The following TGFBR1 variants were observed in gnomAD, a reference collection of about 807,000 sequenced individuals.
TGFBR1 encodes the protein TGF-beta receptor type-1.
TGFBR1 carries 20 observed loss-of-function variants against 55.1 expected under a neutral mutation model. The ratio of observed to expected loss-of-function variants is 0.36; its 90% CI spans 0.26 to 0.53. TGFBR1 has a LOEUF of 0.53. Ranked by LOEUF, TGFBR1 falls within the 20% of genes least tolerant of loss-of-function variation. The probability of loss-of-function intolerance (pLI) is 0.91; values close to 1 mark genes in which losing one functional copy is unlikely to be tolerated. For synonymous variants in TGFBR1, 220 were observed against 214.8 expected (o/e 1.02, Z -0.21); for missense variants, 385 against 617.6 (o/e 0.62, Z 3.99).
chr9:99,118,642 TC>T (rs1166214871), intron 1 of TGFBR1, among the ~76,000 whole-genome samples: 5 of 149,374 alleles, frequency 3.3e-5, no homozygotes, highest in Non-Finnish European at 7.4e-5. Context: ...CTGTTTTCTT[TC>T]TTTTTTTTTT....
In TGFBR1 at chr9:99,149,223, C is replaced by T. The variant is rs1827900086; in HGVS notation, c.1430C>T (p.Ala477Val). 3 of 1,613,364 alleles carry T rather than the reference C, an allele frequency of 1.9e-6. No homozygotes were observed. The highest frequency in any genetic ancestry group is 1.7e-6 in the Non-Finnish European group (2 of 1,179,688). ...AAAATTATGAGAGAATGTTGGTATG[C>T]CAATGGAGCAGCTAGGCTTACAGCA... is the stretch of plus-strand genomic sequence containing the variant. Reference protein sequence around the residue: ...MAKIMRECWYANGAARLTALR... With the variant: ...MAKIMRECWYVNGAARLTALR... The change falls in exon 9 of 9, where the codon GCC becomes GTC. Residue 477 changes from alanine to valine, a missense_variant. Ala to Val is a moderately conservative substitution (Grantham distance 64). Around this residue, in one of 5 missense-constraint regions of TGFBR1, gnomAD observed 110 missense variants for 154.6 expected, o/e 0.71. Transcript: ENST00000374994.
Position 99,140,184 on chromosome 9 carries a change from C to T in TGFBR1, c.805+2095C>T, listed in dbSNP as rs1188801870. 2.0e-5 allele frequency among the ~76,000 whole-genome samples: 3 copies of T among 152,210 alleles called. No individual in the cohort carries two copies. In the East Asian group the frequency reaches 5.8e-4, roughly 29 times the overall value. On this transcript the variant is annotated intron_variant, in intron 4 of 8. Transcript: ENST00000374994. ...AAACAAAACAGGCCGGGCACAGTGG[C>T]TCACGCCTGTAATCCCAGCACTTTG...
Position 99,146,741 on chromosome 9 carries a change from A to G in TGFBR1, c.1255+132A>G, listed in dbSNP as rs996386511. The G allele has an allele frequency of 7.7e-5, 108 of 1,400,838 alleles. 1 individual carries two copies. Among genetic ancestry groups the G allele is most frequent in the Non-Finnish European group, 8.3e-5 (82 of 993,272 alleles). The allele number at this position is 1,400,838 out of a possible 1,614,324, so 86.8% of individuals were successfully genotyped here. On this transcript the variant is annotated intron_variant, in intron 7 of 8. Coordinates refer to ENST00000374994, the MANE Select transcript of TGFBR1 (RefSeq NM_004612.4). Reference sequence around the variant, plus strand: ...CAGGATGTCACCGAGTGCCAGAGAAAACAAAGGCGATGAAACCTTTGGGAG... The same window carrying G: ...CAGGATGTCACCGAGTGCCAGAGAAGACAAAGGCGATGAAACCTTTGGGAG...
At chr9:99,135,660 G>A (rs1351598798) in intron 3 of TGFBR1, among the ~76,000 whole-genome samples, 1 of 152,108 alleles carries the variant, frequency 6.6e-6, no homozygotes, top group Non-Finnish European at 1.5e-5. Context: ...GGCGTGTGCA[G>A]CTTATGAGCT....
chr9:99,142,526 T>C lies in TGFBR1; in HGVS notation c.806-10T>C. On this transcript the variant is annotated splice_polypyrimidine_tract_variant and intron_variant, in intron 4 of 8. Coordinates refer to ENST00000374994, the MANE Select transcript of TGFBR1 (RefSeq NM_004612.4). ...TGCAGCCCAACCGAAATGTTAATTCTGTTTTACAGACAATGGTACTTGGAC... is the reference window on the plus strand; with the variant it reads ...TGCAGCCCAACCGAAATGTTAATTCCGTTTTACAGACAATGGTACTTGGAC... The C allele has an allele frequency of 6.2e-7, 1 of 1,614,020 alleles. No homozygotes were observed. The highest frequency in any genetic ancestry group is 8.5e-7 in the Non-Finnish European group (1 of 1,179,900).
chr9:99,104,547 A>G (rs1826341960), upstream of TGFBR1, among the ~76,000 whole-genome samples: 1 of 151,918 alleles, frequency 6.6e-6, no homozygotes, highest in African/African-American at 2.4e-5. Flanking sequence ...GGCACTGAGG[A>G]GGGATCTTCG....
rs556192289 is a variant in TGFBR1, at chr9:99,107,618, A to G, written c.97+2316A>G. 3.3e-5 allele frequency among the ~76,000 whole-genome samples: 5 copies of G among 152,098 alleles called. No homozygotes were observed. In the East Asian group the frequency reaches 9.6e-4, roughly 29 times the overall value. ...ATCCTCCAAATCTAGTTGCTTTCCC[A>G]TGTTTTTCTCATCTAGGCTTTTCTA... On this transcript the variant is annotated intron_variant, in intron 1 of 8. Transcript: ENST00000374994.
In TGFBR1 at chr9:99,128,496, A is replaced by T. The variant is rs921665796; in HGVS notation, c.98-359A>T. Among the ~76,000 whole-genome samples the T allele has an allele frequency of 4.7e-5, 7 of 147,848 alleles. 1 individual carries two copies. The highest frequency in any genetic ancestry group is 1.7e-4 in the African/African-American group (7 of 40,114). Reference sequence around the variant, plus strand: ...CTGGTAAAAAAAAAAAAAAAAAAAAAAAAGTATAACCATTACAAATTTAAA... The same window carrying T: ...CTGGTAAAAAAAAAAAAAAAAAAAATAAAGTATAACCATTACAAATTTAAA... On this transcript the variant is annotated intron_variant, in intron 1 of 8. Transcript: ENST00000374994.
At chr9:99,134,799 C>CT (rs1383491237) in intron 3 of TGFBR1, among the ~76,000 whole-genome samples, 24 of 69,744 alleles carry the variant, frequency 3.4e-4, no homozygotes, top group African/African-American at 1.2e-3. Flanking sequence ...AATTCTGTTT[C>CT]CATTATATAT....
chr9:99,130,423 C>T (rs193241046), intron 2 of TGFBR1, among the ~76,000 whole-genome samples: 1 of 152,212 alleles, frequency 6.6e-6, no homozygotes, highest in African/African-American at 2.4e-5. Flanking sequence ...TCCACCTGTT[C>T]AGCATGATAA....
intron 8 of TGFBR1, among the ~76,000 whole-genome samples, chr9:99,148,073 A>G (rs1827858187): frequency 6.6e-6 from 1 of 152,200 alleles, no homozygotes; most frequent in South Asian, 2.1e-4. Flanking sequence ...AGCCGGGGCA[A>G]CCCAGAACAC....
intron 1 of TGFBR1, among the ~76,000 whole-genome samples, chr9:99,120,033 G>C (rs945702007): frequency 3.3e-5 from 5 of 152,314 alleles, no homozygotes; most frequent in Admixed American, 3.3e-4. Flanking sequence ...ATTTTATTAT[G>C]TGCTGGGCAC....
At chr9:99,139,322 C>A (rs890301137) in intron 4 of TGFBR1, among the ~76,000 whole-genome samples, 1 of 151,994 alleles carries the variant, frequency 6.6e-6, no homozygotes, top group African/African-American at 2.4e-5. Flanking sequence ...CAGTGTTTAA[C>A]CTCAGTTGGT....
intron 1 of TGFBR1, among the ~76,000 whole-genome samples, chr9:99,127,098 G>A (rs188306573): frequency 6.6e-6 from 1 of 152,246 alleles, no homozygotes; most frequent in East Asian, 1.9e-4. Context: ...TACAGTCATG[G>A]TTATAGTGTA....
In TGFBR1 at chr9:99,111,295, C is replaced by CTTT. The variant is rs3034196; in HGVS notation, c.97+6021_97+6023dup. Among the ~76,000 whole-genome samples, 354 of 55,142 alleles carry CTTT rather than the reference C, an allele frequency of 6.4e-3. 66 individuals are homozygous for CTTT. Among genetic ancestry groups the CTTT allele is most frequent in the African/African-American group, 0.017 (225 of 13,042 alleles). The allele number at this position is 55,142 out of a possible 152,430, so 36.2% of individuals were successfully genotyped here. A position where few individuals can be genotyped will look rare whatever the true frequency, so the allele number is the denominator to read the frequency against. The stretch of plus-strand genomic sequence containing the variant: ...ACATTTGGCATATCCTGCACCCATG[C>CTTT]TTTTTTTTTTTTTTTTTTTTTTTTT... On this transcript the variant is annotated intron_variant, in intron 1 of 8. Coordinates refer to ENST00000374994, the MANE Select transcript of TGFBR1 (RefSeq NM_004612.4).
upstream of TGFBR1, among the ~76,000 whole-genome samples, chr9:99,104,713 C>G (rs1475617325): frequency 6.6e-6 from 1 of 152,154 alleles, no homozygotes; most frequent in Non-Finnish European, 1.5e-5. Context: ...CCAGATCTTC[C>G]GCGCCTAGAG....
At chr9:99,145,705 A>G (rs1323173033) in intron 6 of TGFBR1, 2 of 152,466 alleles carry the variant, frequency 1.3e-5, no homozygotes, top group East Asian at 3.8e-4. Context: ...TAAGCCGAAG[A>G]GCTGAGATTT....
intron 8 of TGFBR1, 37 bp from the exon 9 acceptor site, chr9:99,149,143 T>G (rs754316662): frequency 6.4e-7 from 1 of 1,553,696 alleles, no homozygotes; most frequent in East Asian, 2.4e-5. Flanking sequence ...TGGAAAATGG[T>G]GCATGCATTA....
intron 1 of TGFBR1, among the ~76,000 whole-genome samples, chr9:99,123,098 A>G (rs1319778732): frequency 6.6e-6 from 1 of 152,106 alleles, no homozygotes; most frequent in Non-Finnish European, 1.5e-5. Flanking sequence ...ATATTCCAAA[A>G]TCTGAAAAAA....
Sources: gnomAD v4.1 joint callset for allele counts (sites outside exome capture counted in the v4.1 genomes callset) on GRCh38, gnomAD v4.1.1 for gene constraint, gnomAD v4.1.1 regional missense constraint, MANE v1.5 for transcripts, NCBI Gene and HGNC (gene_info 2026-07-23, HGNC 2026-07-21) for gene names.